The following KIAA1328 variants were observed in gnomAD, a reference collection of about 807,000 sequenced individuals.
The protein encoded by KIAA1328 is KIAA1328.
In KIAA1328, 52 loss-of-function variants were observed where a neutral mutation model predicts 68.1. The ratio of observed to expected loss-of-function variants is 0.76; its 90% CI spans 0.61 to 0.96. The LOEUF (loss-of-function observed/expected upper bound fraction) is 0.96, where lower values mean the gene tolerates loss of function less well. KIAA1328 is among the 40% of genes least tolerant of loss of function. KIAA1328 has a pLI of 0.00. For synonymous variants in KIAA1328, 232 were observed against 239.4 expected, an observed-to-expected ratio of 0.97 and a Z score of 0.28; for missense variants, 641 against 677.6, an observed-to-expected ratio of 0.95 and a Z score of 0.60.
chr18:36,965,531 T>C (rs911837890), intron 6 of KIAA1328, among the ~76,000 whole-genome samples: 7 of 91,898 alleles, frequency 7.6e-5, no homozygotes, highest in African/African-American at 2.7e-4. Context: ...CCACCACGCC[T>C]GGCTAATTTT....
At chr18:36,984,277 T>A (rs1183601754) in intron 6 of KIAA1328, among the ~76,000 whole-genome samples, 1 of 152,074 alleles carries the variant, frequency 6.6e-6, no homozygotes, top group Non-Finnish European at 1.5e-5. Flanking sequence ...CAAGAAAAAA[T>A]TAATAAAAGA....
intron 7 of KIAA1328, among the ~76,000 whole-genome samples, chr18:37,101,607 A>G (rs2057620170): frequency 6.6e-6 from 1 of 152,258 alleles, no homozygotes; most frequent in South Asian, 2.1e-4. Flanking sequence ...GATATTATCC[A>G]GGAGAACTTC....
In KIAA1328 at chr18:37,031,110, CT is replaced by C. The variant is rs35790040; in HGVS notation, c.577-35777del. On this transcript the variant is annotated intron_variant, in intron 6 of 9. Coordinates refer to ENST00000280020, the MANE Select transcript of KIAA1328 (RefSeq NM_020776.3). ...ATGGACATTTTGGTTGGTTCCAAGT[CT>C]TTGCCATTGTGAATAGTGCCGCAAT... Among the ~76,000 whole-genome samples the C allele has an allele frequency of 4.0e-3, 609 of 152,302 alleles. 3 individuals carry two copies. The highest frequency in any genetic ancestry group is 7.4e-3 in the Non-Finnish European group (505 of 68,030).
At chr18:37,103,790 G>T (rs2057692947) in intron 7 of KIAA1328, among the ~76,000 whole-genome samples, 1 of 143,114 alleles carries the variant, frequency 7.0e-6, no homozygotes, top group African/African-American at 2.7e-5. Context: ...ACAAGGAATA[G>T]TTCAATAGCA....
intron 7 of KIAA1328, among the ~76,000 whole-genome samples, chr18:37,114,031 G>A (rs2151911159): frequency 6.6e-6 from 1 of 152,262 alleles, no homozygotes; most frequent in East Asian, 1.9e-4. Context: ...GACCTACAAA[G>A]AGACTTAGAC....
At chr18:36,940,856 A>G (rs1448702306) in intron 5 of KIAA1328, among the ~76,000 whole-genome samples, 1 of 151,832 alleles carries the variant, frequency 6.6e-6, no homozygotes, top group Non-Finnish European at 1.5e-5. Flanking sequence ...TTGTATTTTT[A>G]GTAGAGATGG....
chr18:37,134,586 G>A (rs2058600623), intron 7 of KIAA1328, among the ~76,000 whole-genome samples: 1 of 152,282 alleles, frequency 6.6e-6, no homozygotes, highest in South Asian at 2.1e-4. Flanking sequence ...ACTCTTCTGT[G>A]ATGTCACATG....
At chr18:37,078,710 C>G (rs1260412814) in intron 7 of KIAA1328, among the ~76,000 whole-genome samples, 1 of 150,298 alleles carries the variant, frequency 6.7e-6, no homozygotes, top group Non-Finnish European at 1.5e-5. Flanking sequence ...ATTTATGCAG[C>G]CAAAAAACAC....
chr18:37,011,216 T>C (rs2053968579), intron 6 of KIAA1328, among the ~76,000 whole-genome samples: 1 of 152,200 alleles, frequency 6.6e-6, no homozygotes, highest in African/African-American at 2.4e-5. Context: ...AAACAGTGCA[T>C]ATGTGATCTG....
intron 7 of KIAA1328, among the ~76,000 whole-genome samples, chr18:37,152,630 T>C (rs2059061174): frequency 6.6e-6 from 1 of 152,138 alleles, no homozygotes; most frequent in Non-Finnish European, 1.5e-5. Context: ...AGTGGCGCGT[T>C]GGCAGAAGCA....
intron 7 of KIAA1328, among the ~76,000 whole-genome samples, chr18:37,137,387 A>G (rs1051023712): frequency 1.3e-5 from 2 of 152,092 alleles, no homozygotes; most frequent in Admixed American, 6.5e-5. Flanking sequence ...TTGCCTTGCT[A>G]TTGAGCTACT....
intron 4 of KIAA1328, among the ~76,000 whole-genome samples, chr18:36,851,964 G>A (rs956074498): frequency 1.3e-5 from 2 of 151,930 alleles, no homozygotes; most frequent in African/African-American, 4.8e-5. Context: ...GCATCCCACA[G>A]TTTTGGTATG....
chr18:36,991,715 C>T (rs969030971), intron 6 of KIAA1328, among the ~76,000 whole-genome samples: 2 of 152,186 alleles, frequency 1.3e-5, no homozygotes, highest in Non-Finnish European at 2.9e-5. Flanking sequence ...ATGCAGCTGA[C>T]ATGTTAGCTA....
At chr18:36,834,187 A>G in intron 1 of KIAA1328, 133 bp from the exon 2 acceptor site, 1 of 1,216,896 alleles carries the variant, frequency 8.2e-7, no homozygotes. Flanking sequence ...TTGCTTTCTA[A>G]CTTTGTTTTT....
intron 7 of KIAA1328, among the ~76,000 whole-genome samples, chr18:37,138,979 C>T (rs1267151879): frequency 2.8e-4 from 25 of 87,808 alleles, no homozygotes; most frequent in South Asian, 3.7e-4. Flanking sequence ...TTTTTTGAGA[C>T]GAAGTCTCGC....
chr18:37,139,368 T>C (rs907621363), intron 7 of KIAA1328, among the ~76,000 whole-genome samples: 3 of 152,202 alleles, frequency 2.0e-5, no homozygotes, highest in Non-Finnish European at 4.4e-5. Context: ...AAATTATCTT[T>C]AAGACGAGTT....
intron 6 of KIAA1328, among the ~76,000 whole-genome samples, chr18:36,991,230 A>AT (rs1403631624): frequency 1.3e-5 from 2 of 152,086 alleles, no homozygotes; most frequent in Non-Finnish European, 2.9e-5. Context: ...CACTTAACCT[A>AT]TTTTGCATTT....
intron 7 of KIAA1328, among the ~76,000 whole-genome samples, chr18:37,154,243 G>T (rs1382242013): frequency 6.6e-6 from 1 of 152,126 alleles, no homozygotes; most frequent in East Asian, 1.9e-4. Flanking sequence ...CGACAAGTGG[G>T]TGAGACTCAG....
chr18:37,036,871 G>A (rs932270094), intron 6 of KIAA1328, among the ~76,000 whole-genome samples: 10 of 152,156 alleles, frequency 6.6e-5, no homozygotes, highest in Admixed American at 5.9e-4. Flanking sequence ...TTTTCAAGCT[G>A]TTGCAAATAA....
Sources: gnomAD v4.1 joint callset for allele counts (sites outside exome capture counted in the v4.1 genomes callset) on GRCh38, gnomAD v4.1.1 for gene constraint, MANE v1.5 for transcripts, NCBI Gene and HGNC (gene_info 2026-07-23, HGNC 2026-07-21) for gene names.